Variants in CTXND2 observed in about 807,000 individuals in gnomAD.
The protein encoded by CTXND2 is cortexin domain containing 2.
intron 1 of CTXND2, among the ~76,000 whole-genome samples, chr1:150,907,704 C>CTTTTT (rs34842844): frequency 2.8e-5 from 2 of 71,460 alleles, no homozygotes; most frequent in African/African-American, 5.7e-5. Flanking sequence ...CATATGGTGG[C>CTTTTT]TTTTTTTTTT....
chr1:150,891,222 T>C (rs1424938306), intron 1 of CTXND2, among the ~76,000 whole-genome samples: 1 of 151,820 alleles, frequency 6.6e-6, no homozygotes, highest in Non-Finnish European at 1.5e-5. Flanking sequence ...TTTTTTTTTT[T>C]CTTTTTTTGT....
chr1:150,907,513 T>TGTG (rs1490078959), intron 1 of CTXND2, among the ~76,000 whole-genome samples: 1 of 152,226 alleles, frequency 6.6e-6, no homozygotes, highest in African/African-American at 2.4e-5. Context: ...TGGCCAATAA[T>TGTG]AGTCTATTGT....
At chr1:150,900,852 C>T (rs1175075650) in intron 1 of CTXND2, among the ~76,000 whole-genome samples, 1 of 152,136 alleles carries the variant, frequency 6.6e-6, no homozygotes, top group Non-Finnish European at 1.5e-5. Context: ...CAATTCGAGA[C>T]TGGGCATGGT....
chr1:150,888,246 C>T (rs1470735251), intron 1 of CTXND2, among the ~76,000 whole-genome samples: 1 of 150,160 alleles, frequency 6.7e-6, no homozygotes, highest in Non-Finnish European at 1.5e-5. Context: ...GACAGTCTCA[C>T]TCTGCCGCCT....
In CTXND2 at chr1:150,909,131, G is replaced by A. The variant is rs957166935; in HGVS notation, c.-73-3111G>A. ...GGGGCGCCTATAATCCCAGCTACTCGGGAGGGTGAGGCAGGAGAATCGCTT... is the reference window on the plus strand; with the variant it reads ...GGGGCGCCTATAATCCCAGCTACTCAGGAGGGTGAGGCAGGAGAATCGCTT... On this transcript the variant is annotated intron_variant, in intron 1 of 1. Transcript: ENST00000636087. 8.3e-4 allele frequency among the ~76,000 whole-genome samples: 126 copies of A among 151,268 alleles called. 2 individuals are homozygous for A. The highest frequency in any genetic ancestry group is 4.0e-4 in the Admixed American group (6 of 15,188).
At chr1:150,904,340 A>C in intron 1 of CTXND2, 1 of 340,708 alleles carries the variant, frequency 2.9e-6, no homozygotes, top group Non-Finnish European at 5.7e-6. Flanking sequence ...TTTGTCGGAC[A>C]GTCCTGATTT....
At chr1:150,912,517 G>T (rs1669273510) in exon 2 of CTXND2, 1 of 398,524 alleles carries the variant, frequency 2.5e-6, no homozygotes, top group Non-Finnish European at 4.4e-6. Flanking sequence ...CCCCAAGCAA[G>T]AGATTTGAAA....
At chr1:150,900,001 T>A (rs1365189292) in intron 1 of CTXND2, among the ~76,000 whole-genome samples, 2 of 151,998 alleles carry the variant, frequency 1.3e-5, no homozygotes, top group Non-Finnish European at 2.9e-5. Context: ...AATGGACCAA[T>A]CAGTGCTCTG....
chr1:150,897,212 G>C (rs1216666052), intron 1 of CTXND2, among the ~76,000 whole-genome samples: 1 of 152,180 alleles, frequency 6.6e-6, no homozygotes, highest in African/African-American at 2.4e-5. Flanking sequence ...TTGTAGTTTG[G>C]AGGGGAATAA....
At chr1:150,895,986 C>T (rs1668910274) in intron 1 of CTXND2, among the ~76,000 whole-genome samples, 1 of 152,174 alleles carries the variant, frequency 6.6e-6, no homozygotes, top group Non-Finnish European at 1.5e-5. Context: ...GCTGGCTTCT[C>T]TTGATTTCTG....
intron 1 of CTXND2, among the ~76,000 whole-genome samples, chr1:150,907,643 C>T (rs992957620): frequency 6.6e-6 from 1 of 150,890 alleles, no homozygotes; most frequent in African/African-American, 2.4e-5. Flanking sequence ...TTTGTGTGGT[C>T]ACATGTTTTC....
intron 1 of CTXND2, among the ~76,000 whole-genome samples, chr1:150,909,262 A>G (rs1458453029): frequency 1.3e-5 from 2 of 150,892 alleles, no homozygotes; most frequent in Non-Finnish European, 3.0e-5. Flanking sequence ...AAAAAGTACA[A>G]AAGTGTTGAC....
intron 1 of CTXND2, chr1:150,904,185 C>T (rs1669095704): frequency 3.2e-6 from 2 of 631,858 alleles, no homozygotes; most frequent in Non-Finnish European, 5.9e-6. Flanking sequence ...GACTTGACAG[C>T]TTATCTCAAA....
At chr1:150,897,119 C>T (rs1668923005) in intron 1 of CTXND2, among the ~76,000 whole-genome samples, 1 of 152,106 alleles carries the variant, frequency 6.6e-6, no homozygotes, top group Admixed American at 6.6e-5. Context: ...TGTCAAGAGC[C>T]TTGGAGCCCC....
chr1:150,903,046 T>G (rs961864612), intron 1 of CTXND2, among the ~76,000 whole-genome samples: 3 of 152,160 alleles, frequency 2.0e-5, no homozygotes, highest in Admixed American at 6.5e-5. Flanking sequence ...AGATCCCTCT[T>G]TGGAACATAG....
chr1:150,908,210 C>A (rs1229280242), intron 1 of CTXND2, among the ~76,000 whole-genome samples: 1 of 151,136 alleles, frequency 6.6e-6, no homozygotes, highest in African/African-American at 2.4e-5. Context: ...GCCATGTTGC[C>A]CAGGCTGGTC....
At chr1:150,898,931 A>AATATAT (rs1418613132) in intron 1 of CTXND2, among the ~76,000 whole-genome samples, 13 of 139,096 alleles carry the variant, frequency 9.3e-5, no homozygotes, top group African/African-American at 3.5e-4. Flanking sequence ...CAAAAAAAAA[A>AATATAT]ATATATATAT....
At chr1:150,890,384 G>A (rs1668831638) in intron 1 of CTXND2, among the ~76,000 whole-genome samples, 1 of 152,188 alleles carries the variant, frequency 6.6e-6, no homozygotes, top group Non-Finnish European at 1.5e-5. Context: ...AGACAGCCAG[G>A]AGACAGTCAG....
chr1:150,887,736 C>G lies in CTXND2; in HGVS notation c.-74+423C>G, dbSNP rs587699819. Among the ~76,000 whole-genome samples the G allele has an allele frequency of 6.0e-4, 92 of 152,242 alleles. 1 individual carries two copies. The highest frequency in any genetic ancestry group is 2.1e-4 in the South Asian group (1 of 4,832). On this transcript the variant is annotated intron_variant, in intron 1 of 1. Coordinates refer to ENST00000636087, the Ensembl canonical transcript of CTXND2. ...CATTATTGTGTTTCTTCACCATCAT[C>G]TCTCTCTTTGCACTAAACTTATGGC...
Sources: gnomAD v4.1 joint callset for allele counts (sites outside exome capture counted in the v4.1 genomes callset) on GRCh38, gnomAD v4.1.1 for gene constraint, MANE v1.5 for transcripts, NCBI Gene and HGNC (gene_info 2026-07-23, HGNC 2026-07-21) for gene names.